Variants in THBS4 observed in about 807,000 individuals in gnomAD.
The protein encoded by THBS4 is thrombospondin-4.
In THBS4, 90 loss-of-function variants were observed where a neutral mutation model predicts 115.7. That is an observed-to-expected ratio of 0.78 (90% CI 0.66 to 0.93). The LOEUF (loss-of-function observed/expected upper bound fraction) is 0.93. Ranked by LOEUF, THBS4 falls within the 40% of genes least tolerant of loss-of-function variation. The probability of loss-of-function intolerance (pLI) is 0.00; values close to 1 mark genes in which losing one functional copy is unlikely to be tolerated. For missense variants in THBS4, 1,087 were observed against 1,232.7 expected, an observed-to-expected ratio of 0.88 and a Z score of 1.77; for synonymous variants, 460 against 479.3, an observed-to-expected ratio of 0.96 and a Z score of 0.53.
At chr5:80,073,406 C>T (rs1034134651) in intron 15 of THBS4, 79 bp downstream of exon 15, 11 of 1,231,942 alleles carry the variant, frequency 8.9e-6, no homozygotes, top group South Asian at 3.8e-5. Flanking sequence ...TTTTTTGAGG[C>T]GGAGTCTCAC....
chr5:80,070,488 G>A, intron 11 of THBS4, 78 bp downstream of exon 11: 1 of 1,468,550 alleles, frequency 6.8e-7, no homozygotes, highest in Non-Finnish European at 9.5e-7. Context: ...GAGAGGTTCT[G>A]TGGATCTAAT....
chr5:80,020,683 G>A (rs754054446), intron 2 of THBS4, among the ~76,000 whole-genome samples: 5 of 152,056 alleles, frequency 3.3e-5, no homozygotes, highest in Admixed American at 6.6e-5. Flanking sequence ...AAAGAACGTG[G>A]GATTCAGAGT....
chr5:79,999,131 T>C (rs1831851818), intron 2 of THBS4, among the ~76,000 whole-genome samples: 1 of 152,056 alleles, frequency 6.6e-6, no homozygotes, highest in African/African-American at 2.4e-5. Context: ...AAGTTTTCTT[T>C]AAGAAAAAAA....
intron 9 of THBS4, chr5:80,067,681 A>T (rs1184949632): frequency 1.1e-5 from 3 of 265,598 alleles, no homozygotes; most frequent in Non-Finnish European, 2.2e-5. Flanking sequence ...CCTGTCCCCT[A>T]TGCCCTCCAC....
At chr5:80,003,343 A>T (rs1260382504) in intron 2 of THBS4, among the ~76,000 whole-genome samples, 1 of 152,212 alleles carries the variant, frequency 6.6e-6, no homozygotes, top group East Asian at 1.9e-4. Flanking sequence ...TCAGAGGGGC[A>T]GAGGATGAGA....
intron 2 of THBS4, among the ~76,000 whole-genome samples, chr5:80,047,737 G>A (rs544583704): frequency 8.5e-4 from 128 of 151,312 alleles, no homozygotes; most frequent in Non-Finnish European, 5.9e-5. Flanking sequence ...AGGTTCAAGC[G>A]ATTCTCCTGC....
At chr5:80,018,398 T>C (rs1313783784) in intron 2 of THBS4, among the ~76,000 whole-genome samples, 1 of 146,672 alleles carries the variant, frequency 6.8e-6, no homozygotes, top group Non-Finnish European at 1.5e-5. Flanking sequence ...ACTTTTTTTT[T>C]TTTTTTTTTT....
chr5:80,057,859 CTTAT>C (rs1299425012), intron 3 of THBS4, among the ~76,000 whole-genome samples: 5 of 152,270 alleles, frequency 3.3e-5, no homozygotes, highest in African/African-American at 9.6e-5. Flanking sequence ...GGGTTAACAC[CTTAT>C]TTATTATTAT....
At chr5:80,081,431 G>T (rs1335396461) in intron 20 of THBS4, among the ~76,000 whole-genome samples, 2 of 152,050 alleles carry the variant, frequency 1.3e-5, no homozygotes, top group African/African-American at 2.4e-5. Flanking sequence ...ATATCATAGA[G>T]AAATAAGAAT....
intron 2 of THBS4, among the ~76,000 whole-genome samples, chr5:80,054,850 G>A (rs1012026310): frequency 1.3e-5 from 2 of 152,162 alleles, no homozygotes. Flanking sequence ...TCGATTTGAT[G>A]TGTGCTGACT....
chr5:80,047,537 G>A lies in THBS4; in HGVS notation c.292+7257G>A, dbSNP rs558209320. ...ATATTTGAAAAAAGGGCTAGGTGCC[G>A]TGGCTCATGCCTGTAATCCCAGCAC... On this transcript the variant is annotated intron_variant, in intron 2 of 21. Transcript: ENST00000350881. 3.9e-5 allele frequency among the ~76,000 whole-genome samples: 6 copies of A among 152,164 alleles called. No individual in the cohort carries two copies. The East Asian group carries it at 7.7e-4, about 20-fold the overall frequency.
intron 5 of THBS4, among the ~76,000 whole-genome samples, 182 bp downstream of exon 5, chr5:80,058,972 G>A (rs1561315205): frequency 6.6e-6 from 1 of 152,128 alleles, no homozygotes; most frequent in East Asian, 1.9e-4. Flanking sequence ...GTCCAAGCTC[G>A]TGATGAACAC....
At chr5:80,034,637 G>A (rs1580928218), upstream of THBS4, among the ~76,000 whole-genome samples, 1 of 152,158 alleles carries the variant, frequency 6.6e-6, no homozygotes, top group African/African-American at 2.4e-5. Context: ...GGCAAGCAGG[G>A]CGTTTGGAAA....
intron 21 of THBS4, 123 bp from the exon 22 acceptor site, chr5:80,082,957 G>C (rs1743596036): frequency 2.5e-6 from 2 of 808,964 alleles, no homozygotes; most frequent in Non-Finnish European, 4.1e-6. Context: ...GGCGGCGAGG[G>C]CCTGCGGGGC....
intron 2 of THBS4, among the ~76,000 whole-genome samples, chr5:80,004,657 T>G (rs1342974443): frequency 1.3e-5 from 2 of 152,272 alleles, no homozygotes; most frequent in Non-Finnish European, 2.9e-5. Flanking sequence ...TGTTTTTTAT[T>G]GTTTCACTTA....
At chr5:80,047,381 T>C (rs1307782203) in intron 2 of THBS4, among the ~76,000 whole-genome samples, 1 of 152,186 alleles carries the variant, frequency 6.6e-6, no homozygotes, top group Non-Finnish European at 1.5e-5. Context: ...TTTTTTTGTT[T>C]TGTTTGGTTT....
chr5:80,073,993 T>C (rs1743054359), intron 15 of THBS4, among the ~76,000 whole-genome samples: 1 of 152,218 alleles, frequency 6.6e-6, no homozygotes, highest in African/African-American at 2.4e-5. Flanking sequence ...TACCTAATAC[T>C]TTTGCCTCAA....
intron 2 of THBS4, among the ~76,000 whole-genome samples, chr5:80,014,836 C>A (rs1161143165): frequency 6.6e-6 from 1 of 152,192 alleles, no homozygotes; most frequent in South Asian, 2.1e-4. Context: ...AGCACCGGAC[C>A]AGCAGTCTGG....
At position 80,002,888 on chromosome 5, in the gene THBS4, G is replaced by T. The variant is rs549307888; in HGVS notation, n.177+4461G>T. Among the ~76,000 whole-genome samples, 9 of 151,644 alleles carry T rather than the reference G, an allele frequency of 5.9e-5. No homozygotes were observed. In the East Asian group the frequency reaches 1.7e-3, roughly 29 times the overall value. On this transcript the variant is annotated intron_variant and non_coding_transcript_variant, in intron 2 of 3. Transcript: ENST00000510218. ...TGCATACCCCTTACAGCAGGAGGTGGGTAGAGGAACTGTTATGTTAACGAA... is the reference window on the plus strand; with the variant it reads ...TGCATACCCCTTACAGCAGGAGGTGTGTAGAGGAACTGTTATGTTAACGAA...
Sources: gnomAD v4.1 joint callset for allele counts (sites outside exome capture counted in the v4.1 genomes callset) on GRCh38, gnomAD v4.1.1 for gene constraint, MANE v1.5 for transcripts, NCBI Gene and HGNC (gene_info 2026-07-23, HGNC 2026-07-21) for gene names.